The following CACNA2D4 variants were observed in gnomAD, a reference collection of about 807,000 sequenced individuals.
CACNA2D4 encodes the protein calcium voltage-gated channel auxiliary subunit alpha2delta 4.
CACNA2D4 carries 157 observed loss-of-function variants against 163.8 expected under a neutral mutation model. The ratio of observed to expected loss-of-function variants is 0.96; its 90% CI spans 0.84 to 1.09. CACNA2D4 has a LOEUF of 1.09. Ranked by LOEUF, CACNA2D4 falls within the 50% of genes least tolerant of loss-of-function variation. The pLI, the probability that CACNA2D4 is intolerant of heterozygous loss-of-function variation, is 0.00. For synonymous variants in CACNA2D4, 598 were observed against 586.9 expected (o/e 1.02, Z -0.27); for missense variants, 1,410 against 1,479.9 (o/e 0.95, Z 0.78).
chr12:1,810,735 GGGGTGT>G (rs1322227158), intron 27 of CACNA2D4, 148 bp from the exon 28 acceptor site: 1 of 786,450 alleles, frequency 1.3e-6, no homozygotes, highest in East Asian at 2.7e-5. Flanking sequence ...GCACCTGTGT[GGGGTGT>G]GGGTGTGGGA....
rs560656047 is a variant in CACNA2D4, at chr12:1,843,526, A to G, written c.2470+876T>C. ...TGGATCCATGTGCTGGAATGGGATC[A>G]GCCGCCCCAGCACTCACCTGGTGGA... is the stretch of plus-strand genomic sequence containing the variant. On this transcript the variant is annotated intron_variant, in intron 25 of 37. Coordinates refer to ENST00000382722, the MANE Select transcript of CACNA2D4 (RefSeq NM_172364.5). The surrounding 1 kb of genome is among the most constrained non-coding windows in gnomAD (Gnocchi z 4.6). Among the ~76,000 whole-genome samples the G allele has an allele frequency of 1.3e-5, 2 of 152,252 alleles. No individual in the cohort carries two copies. Among genetic ancestry groups the G allele is most frequent in the East Asian group, 3.9e-4 (2 of 5,174 alleles).
intron 23 of CACNA2D4, among the ~76,000 whole-genome samples, chr12:1,848,004 C>T (rs1352985503): frequency 3.3e-5 from 5 of 152,048 alleles, no homozygotes; most frequent in African/African-American, 7.3e-5. Context: ...CGCATGGCAA[C>T]GGGTATCTCT....
At position 1,798,901 on chromosome 12, in the gene CACNA2D4, C is replaced by A. The variant is rs1863216321; in HGVS notation, c.2995+774G>T. On this transcript the variant is annotated intron_variant, in intron 34 of 37. Coordinates refer to ENST00000382722, the MANE Select transcript of CACNA2D4 (RefSeq NM_172364.5). This position sits in a 1 kb window ranked among gnomAD's most constrained non-coding sequence, Gnocchi z 4.3. Reference sequence around the variant, plus strand: ...TCCAGAAGGAGTCTGGAGACACAGCCCGAACTGCCCTGAGCCCAGGGGCAG... The same window carrying A: ...TCCAGAAGGAGTCTGGAGACACAGCACGAACTGCCCTGAGCCCAGGGGCAG... 6.6e-6 allele frequency among the ~76,000 whole-genome samples: 1 copy of A among 152,072 alleles called. No homozygotes were observed. The highest frequency in any genetic ancestry group is 1.5e-5 in the Non-Finnish European group (1 of 68,002).
chr12:1,895,854 G>A (rs1866390135), intron 6 of CACNA2D4, among the ~76,000 whole-genome samples: 1 of 151,906 alleles, frequency 6.6e-6, no homozygotes, highest in Non-Finnish European at 1.5e-5. Flanking sequence ...GCTCATGCTG[G>A]CCTCAAACTC....
At chr12:1,868,305 T>C (rs1004375893) in intron 18 of CACNA2D4, among the ~76,000 whole-genome samples, 1 of 152,154 alleles carries the variant, frequency 6.6e-6, no homozygotes, top group Non-Finnish European at 1.5e-5. Context: ...TGCCATTTGC[T>C]ACAACATGGA....
intron 14 of CACNA2D4, 91 bp from the exon 15 acceptor site, chr12:1,879,127 G>T: frequency 1.0e-6 from 1 of 978,662 alleles, no homozygotes; most frequent in East Asian, 2.5e-5. Flanking sequence ...GCCTGGAAGA[G>T]GAAGCCACTT....
chr12:1,883,072 C>T lies in CACNA2D4; in HGVS notation c.1352-72G>A. ...GGAACCCCTCGCCAGGGCCTGCACC[C>T]TCCCCAGCTGCAGATGGCTCATAGC... On this transcript the variant is annotated intron_variant, in intron 12 of 37. Transcript: ENST00000382722. This position sits in a 1 kb window ranked among gnomAD's most constrained non-coding sequence, Gnocchi z 4.5. 3.3e-6 allele frequency: 5 copies of T among 1,498,912 alleles called. No homozygotes were observed. Among genetic ancestry groups the T allele is most frequent in the Non-Finnish European group, 4.5e-6 (5 of 1,106,782 alleles). 92.9% of individuals were successfully genotyped at this position (1,498,912 alleles called of 1,614,324 possible). A position where few individuals can be genotyped will look rare whatever the true frequency, so the allele number is the denominator to read the frequency against.
At position 1,831,136 on chromosome 12, in the gene CACNA2D4, A is replaced by G. The variant is rs1162405704; in HGVS notation, c.2551+9603T>C. On this transcript the variant is annotated intron_variant, in intron 26 of 37. Transcript: ENST00000382722. Reference sequence around the variant, plus strand: ...GCCCTGCCAAGCTGGGCTTTCGCCAACCTCTCCAGCCTGCAGCGGTTGGAC... The same window carrying G: ...GCCCTGCCAAGCTGGGCTTTCGCCAGCCTCTCCAGCCTGCAGCGGTTGGAC... The G allele has an allele frequency of 5.0e-6, 8 of 1,613,780 alleles. No homozygotes were observed. Among genetic ancestry groups the G allele is most frequent in the East Asian group, 2.2e-5 (1 of 44,890 alleles).
In CACNA2D4 at chr12:1,806,689, C is replaced by T. The variant is rs745818826; in HGVS notation, c.2721+3589G>A. On this transcript the variant is annotated intron_variant, in intron 29 of 37. Transcript: ENST00000382722. The surrounding 1 kb of genome is among the most constrained non-coding windows in gnomAD (Gnocchi z 4.1). The stretch of plus-strand genomic sequence containing the variant: ...GGAGGCCTGGGGAGGGTTCTCAACC[C>T]ACCATGCACCCAGTCACCTGGAGGG... Among the ~76,000 whole-genome samples, 4 of 152,168 alleles carry T rather than the reference C, an allele frequency of 2.6e-5. No individual in the cohort carries two copies. The highest frequency in any genetic ancestry group is 4.4e-5 in the Non-Finnish European group (3 of 68,032).
rs1358365171 is a variant in CACNA2D4 at position 1,878,554 on chromosome 12, T to G, written c.1645-165A>C. The G allele has an allele frequency of 2.3e-6, 3 of 1,316,458 alleles. No individual in the cohort carries two copies. The highest frequency in any genetic ancestry group is 1.5e-5 in the African/African-American group (1 of 68,386). 81.5% of individuals were successfully genotyped at this position (1,316,458 alleles called of 1,614,324 possible). On this transcript the variant is annotated intron_variant, in intron 15 of 37. Coordinates refer to ENST00000382722, the MANE Select transcript of CACNA2D4 (RefSeq NM_172364.5). The surrounding 1 kb of genome is among the most constrained non-coding windows in gnomAD (Gnocchi z 4.6). Reference sequence around the variant, plus strand: ...GCCAGTGCCATGCTTCCATCATTGATTGAGGAGTCCTTTCCAAACCGGACT... The same window carrying G: ...GCCAGTGCCATGCTTCCATCATTGAGTGAGGAGTCCTTTCCAAACCGGACT...
Position 1,878,500 on chromosome 12 carries a change from G to A in CACNA2D4, c.1645-111C>T. 6.5e-7 allele frequency: 1 copy of A among 1,543,120 alleles called. No homozygotes were observed. Among genetic ancestry groups the A allele is most frequent in the Non-Finnish European group, 8.7e-7 (1 of 1,144,274 alleles). ...CGGTCAAAGATGGCAGCTCACAGCAGTGAGTGTTTTCAATAGGAACGTAAC... is the reference window on the plus strand; with the variant it reads ...CGGTCAAAGATGGCAGCTCACAGCAATGAGTGTTTTCAATAGGAACGTAAC... On this transcript the variant is annotated intron_variant, in intron 15 of 37. Transcript: ENST00000382722. The surrounding 1 kb of genome is among the most constrained non-coding windows in gnomAD (Gnocchi z 4.6).
rs1032396252 is a variant in CACNA2D4 at position 1,829,744 on chromosome 12, C to T, written c.2551+10995G>A. Among the ~76,000 whole-genome samples, 18 of 146,308 alleles carry T rather than the reference C, an allele frequency of 1.2e-4. No individual in the cohort carries two copies. The highest frequency in any genetic ancestry group is 9.5e-4 in the Admixed American group (14 of 14,698). ...TCCCAGGTCCCATGTCAGGGTGGGC[C>T]GATGGGCTGTGAGCTGGGTCTGAAC... On this transcript the variant is annotated intron_variant, in intron 26 of 37. Coordinates refer to ENST00000382722, the MANE Select transcript of CACNA2D4 (RefSeq NM_172364.5). The surrounding 1 kb of genome is among the most constrained non-coding windows in gnomAD (Gnocchi z 4.2).
At chr12:1,807,321 C>T (rs1863573116) in intron 29 of CACNA2D4, among the ~76,000 whole-genome samples, 1 of 151,500 alleles carries the variant, frequency 6.6e-6, no homozygotes, top group African/African-American at 2.4e-5. Context: ...CAAGCCTGGA[C>T]ATGACATGAC....
intron 26 of CACNA2D4, 81 bp downstream of exon 26, chr12:1,840,658 G>T: frequency 8.5e-7 from 1 of 1,177,454 alleles, no homozygotes; most frequent in Non-Finnish European, 1.3e-6. Flanking sequence ...CACATGTGCA[G>T]GGCCTTCTGC....
intron 26 of CACNA2D4, chr12:1,827,883 A>G (rs1794586935): frequency 7.7e-6 from 3 of 388,684 alleles, no homozygotes; most frequent in Admixed American, 9.0e-5. Context: ...GGAAAGCCGA[A>G]GCCTGCCCCG....
intron 26 of CACNA2D4, among the ~76,000 whole-genome samples, chr12:1,826,978 G>A (rs1354815550): frequency 2.0e-5 from 3 of 152,346 alleles, no homozygotes; most frequent in East Asian, 1.9e-4. Context: ...GGCCCATGGG[G>A]GCAGGGAGAG....
intron 6 of CACNA2D4, among the ~76,000 whole-genome samples, chr12:1,888,558 C>A (rs539816698): frequency 1.3e-5 from 2 of 152,026 alleles, no homozygotes; most frequent in African/African-American, 4.8e-5. Context: ...ACACATAATA[C>A]AAAGAACATA....
chr12:1,828,707 C>A lies in CACNA2D4; in HGVS notation c.2551+12032G>T, dbSNP rs771569565. On this transcript the variant is annotated intron_variant, in intron 26 of 37. Coordinates refer to ENST00000382722, the MANE Select transcript of CACNA2D4 (RefSeq NM_172364.5). The surrounding 1 kb of genome is among the most constrained non-coding windows in gnomAD (Gnocchi z 4.2). ...GCTCCTTATGCCTCCGCTTTCCCAA[C>A]TCTCGGTAGAGGACCTAGTGGGCTC... is the stretch of plus-strand genomic sequence containing the variant. Among the ~76,000 whole-genome samples the A allele has an allele frequency of 3.9e-5, 6 of 152,352 alleles. No homozygotes were observed. The highest frequency in any genetic ancestry group is 1.4e-4 in the African/African-American group (6 of 41,584).
intron 7 of CACNA2D4, 22 bp downstream of exon 7, chr12:1,886,987 C>T: frequency 6.4e-7 from 1 of 1,564,122 alleles, no homozygotes; most frequent in Non-Finnish European, 8.7e-7. Context: ...GGGCCGCAAA[C>T]CTTTCCCCTG....
Sources: allele counts gnomAD v4.1 joint callset (sites outside exome capture counted in the v4.1 genomes callset), GRCh38; gene constraint gnomAD v4.1.1; non-coding constraint Gnocchi (gnomAD v3.1); transcripts MANE v1.5; gene names NCBI Gene and HGNC (gene_info 2026-07-23, HGNC 2026-07-21).